The following SDK2 variants were observed in gnomAD, a reference collection of about 807,000 sequenced individuals.
The protein encoded by SDK2 is protein sidekick-2.
Under a neutral mutation model 253.9 loss-of-function variants are expected in SDK2, and 105 were observed. The observed-to-expected ratio is 0.41, with a 90% confidence interval of 0.35 to 0.49. The LOEUF (loss-of-function observed/expected upper bound fraction) is 0.49. Ranked by LOEUF, SDK2 falls within the 20% of genes least tolerant of loss-of-function variation. SDK2 has a pLI of 0.06. For missense variants in SDK2, 2,608 were observed against 3,003.0 expected, an observed-to-expected ratio of 0.87 and a Z score of 3.07; for synonymous variants, 1,249 against 1,234.9, an observed-to-expected ratio of 1.01 and a Z score of -0.24.
intron 36 of SDK2, among the ~76,000 whole-genome samples, chr17:73,376,906 T>C (rs1230889922): frequency 2.0e-5 from 3 of 150,962 alleles, no homozygotes; most frequent in Non-Finnish European, 4.4e-5. Context: ...GAGACTCTTA[T>C]GCTGGATTCC....
chr17:73,496,130 G>A lies in SDK2; in HGVS notation c.224+11308C>T, dbSNP rs957772454. On this transcript the variant is annotated intron_variant, in intron 2 of 44. Transcript: ENST00000392650. The surrounding 1 kb of genome is among the most constrained non-coding windows in gnomAD (Gnocchi z 4.7). Reference sequence around the variant, plus strand: ...GAGGTGGGAGGAGCCTGCCCTGCTGGGTGGGAGTCAGCGTCATGCCCTTGG... The same window carrying A: ...GAGGTGGGAGGAGCCTGCCCTGCTGAGTGGGAGTCAGCGTCATGCCCTTGG... 6.6e-6 allele frequency among the ~76,000 whole-genome samples: 1 copy of A among 152,178 alleles called. No individual in the cohort carries two copies. The highest frequency in any genetic ancestry group is 2.4e-5 in the African/African-American group (1 of 41,452).
intron 40 of SDK2, among the ~76,000 whole-genome samples, chr17:73,355,639 C>T (rs1020373482): frequency 1.3e-5 from 2 of 152,282 alleles, no homozygotes; most frequent in African/African-American, 4.8e-5. Flanking sequence ...AGCCACCGTG[C>T]CTGACCCATC....
In SDK2 at chr17:73,338,962, G is replaced by T. The variant is rs570913517; in HGVS notation, c.6166-22C>A. The T allele has an allele frequency of 3.1e-6, 5 of 1,605,568 alleles. No individual in the cohort carries two copies. The African/African-American group carries it at 4.0e-5, about 13-fold the overall frequency. On this transcript the variant is annotated intron_variant, in intron 44 of 44. Coordinates refer to ENST00000392650, the MANE Select transcript of SDK2 (RefSeq NM_001144952.2). The surrounding 1 kb of genome is among the most constrained non-coding windows in gnomAD (Gnocchi z 5.0). ...TTCCCTGGGAGGACAGAGAATCAGG[G>T]TGTGTCAGTGGCCCCGTAGGGACAG...
chr17:73,426,859 G>A (rs554166812), intron 12 of SDK2, among the ~76,000 whole-genome samples: 1 of 152,270 alleles, frequency 6.6e-6, no homozygotes, highest in Non-Finnish European at 1.5e-5. Context: ...GGCCGAGGCT[G>A]GCGGATCATG....
chr17:73,387,055 C>T (rs981252817), intron 30 of SDK2, among the ~76,000 whole-genome samples: 1 of 152,144 alleles, frequency 6.6e-6, no homozygotes, highest in Admixed American at 6.5e-5. Context: ...CCGCCTCCCG[C>T]GTTCAAGCGA....
At chr17:73,560,969 C>A (rs2045223979) in intron 1 of SDK2, among the ~76,000 whole-genome samples, 1 of 152,112 alleles carries the variant, frequency 6.6e-6, no homozygotes, top group South Asian at 2.1e-4. Context: ...CTGGGCCAGG[C>A]ATGTCCCTGC....
intron 1 of SDK2, among the ~76,000 whole-genome samples, chr17:73,522,830 C>T (rs1175985980): frequency 6.6e-6 from 1 of 152,242 alleles, no homozygotes; most frequent in African/African-American, 2.4e-5. Context: ...CCCTGAGCAT[C>T]TCCATGGTGC....
Position 73,383,932 on chromosome 17 carries a change from C to T in SDK2, c.4649G>A (p.Arg1550Lys), listed in dbSNP as rs778978606. The change falls in exon 33 of 45, where the codon AGG becomes AAG. Residue 1550 changes from arginine (R) to lysine (K), a missense_variant. This residue lies in a region of SDK2 where 1,103 missense variants were observed against 1,143.9 expected (regional missense o/e 0.96). Transcript: ENST00000392650. This position sits in a 1 kb window ranked among gnomAD's most constrained non-coding sequence, Gnocchi z 4.3. ...GTTGATGCCTCGAAGCGTGAAGCCC[C>T]TCAGTCCTTCATAGAGCAGCTCCCG... ...RYRELLYEGL[R>K]GFTLRGINNP... The T allele has an allele frequency of 3.7e-5, 60 of 1,613,946 alleles. No homozygotes were observed. The highest frequency in any genetic ancestry group is 5.0e-5 in the Non-Finnish European group (59 of 1,179,870).
At chr17:73,589,767 C>A (rs1221541389) in intron 1 of SDK2, among the ~76,000 whole-genome samples, 1 of 152,254 alleles carries the variant, frequency 6.6e-6, no homozygotes, top group African/African-American at 2.4e-5. Flanking sequence ...CATCCCCAGG[C>A]AGCAGGAGGC....
chr17:73,416,908 A>C (rs946366352), intron 16 of SDK2, among the ~76,000 whole-genome samples: 5 of 152,216 alleles, frequency 3.3e-5, no homozygotes, highest in Non-Finnish European at 2.9e-5. Context: ...TTTAAAAATA[A>C]ACATATCAGA....
chr17:73,606,630 T>C (rs994692920), intron 1 of SDK2, among the ~76,000 whole-genome samples: 5 of 151,880 alleles, frequency 3.3e-5, no homozygotes, highest in African/African-American at 1.2e-4. Flanking sequence ...TGGTGAATGG[T>C]GAAATTAGGT....
At chr17:73,630,729 T>C (rs945667875) in intron 1 of SDK2, among the ~76,000 whole-genome samples, 3 of 152,058 alleles carry the variant, frequency 2.0e-5, no homozygotes, top group Admixed American at 6.6e-5. Flanking sequence ...GCACAGACAA[T>C]GGGCCTTGTG....
intron 1 of SDK2, among the ~76,000 whole-genome samples, chr17:73,597,867 G>A (rs1226450926): frequency 6.6e-6 from 1 of 151,990 alleles, no homozygotes; most frequent in Non-Finnish European, 1.5e-5. Context: ...GGATGGTTTC[G>A]ATCTCCTGAC....
intron 1 of SDK2, among the ~76,000 whole-genome samples, chr17:73,579,216 C>T (rs2045499528): frequency 6.6e-6 from 1 of 152,174 alleles, no homozygotes; most frequent in Non-Finnish European, 1.5e-5. Flanking sequence ...CGCAGTCTCC[C>T]CAGGCTCTTC....
At chr17:73,492,373 C>T (rs760668492) in intron 2 of SDK2, among the ~76,000 whole-genome samples, 3 of 152,094 alleles carry the variant, frequency 2.0e-5, no homozygotes, top group African/African-American at 4.8e-5. Flanking sequence ...GTTTGAGTGC[C>T]GCGGTGGCTG....
chr17:73,575,328 C>A (rs1383635472), intron 1 of SDK2, among the ~76,000 whole-genome samples: 1 of 152,220 alleles, frequency 6.6e-6, no homozygotes, highest in Non-Finnish European at 1.5e-5. Context: ...TCCAAATCTG[C>A]CCCAATCACT....
At chr17:73,607,197 C>T (rs1166395280) in intron 1 of SDK2, among the ~76,000 whole-genome samples, 4 of 152,178 alleles carry the variant, frequency 2.6e-5, no homozygotes, top group African/African-American at 9.7e-5. Flanking sequence ...CAGGATCCTC[C>T]AGATCTCTAA....
At chr17:73,413,045 G>A (rs986066144) in intron 18 of SDK2, among the ~76,000 whole-genome samples, 2 of 152,156 alleles carry the variant, frequency 1.3e-5, no homozygotes, top group Non-Finnish European at 2.9e-5. Context: ...GGACCACCAG[G>A]TACCAGTCTG....
At position 73,508,401 on chromosome 17, in the gene SDK2, C is replaced by T. The variant is rs1280444978; in HGVS notation, c.65-804G>A. Among the ~76,000 whole-genome samples the T allele has an allele frequency of 2.6e-5, 4 of 152,220 alleles. No individual in the cohort carries two copies. The South Asian group carries it at 8.3e-4, about 31-fold the overall frequency. Reference sequence around the variant, plus strand: ...GAAATGGGGCCTCTGCCCTTCTGGCCAGTGTGGGAGAGGGTGGACATGAGT... The same window carrying T: ...GAAATGGGGCCTCTGCCCTTCTGGCTAGTGTGGGAGAGGGTGGACATGAGT... On this transcript the variant is annotated intron_variant, in intron 1 of 44. Coordinates refer to ENST00000392650, the MANE Select transcript of SDK2 (RefSeq NM_001144952.2).
Sources: gnomAD v4.1 joint callset for allele counts (sites outside exome capture counted in the v4.1 genomes callset) on GRCh38, gnomAD v4.1.1 for gene constraint, gnomAD v4.1.1 regional missense constraint, Gnocchi (gnomAD v3.1) non-coding constraint, MANE v1.5 for transcripts, NCBI Gene and HGNC (gene_info 2026-07-23, HGNC 2026-07-21) for gene names.